Variants in PCDH11X observed in about 807,000 individuals in gnomAD.
PCDH11X encodes protocadherin-11 X-linked.
In PCDH11X, 18 loss-of-function variants were observed where a neutral mutation model predicts 53.3. That is an observed-to-expected ratio of 0.34 (90% CI 0.23 to 0.50). The LOEUF is 0.50. PCDH11X is among the 20% of genes least tolerant of loss of function. PCDH11X has a pLI of 0.98. For synonymous variants in PCDH11X, 279 were observed against 393.3 expected (o/e 0.71, Z 3.44); for missense variants, 570 against 1,032.4 (o/e 0.55, Z 6.14).
rs751340267 is a variant in PCDH11X, at chrX:91,902,869, AT to A, written c.3033+23605del. 1.8e-3 allele frequency among the ~76,000 whole-genome samples: 189 copies of A among 107,520 alleles called. 3 individuals carry two copies. The South Asian group carries it at 0.071, about 40-fold the overall frequency. The allele number at this position is 107,520 out of a possible 115,157, so 93.4% of individuals were successfully genotyped here. A position where few individuals can be genotyped will look rare whatever the true frequency, so the allele number is the denominator to read the frequency against. On this transcript the variant is annotated intron_variant, in intron 6 of 10. Transcript: ENST00000682573. ...CCCTTCATTCCAATTGTTCAACAACATTTTTTTTTCTGACTTTACATTTAAA... is the reference window on the plus strand; with the variant it reads ...CCCTTCATTCCAATTGTTCAACAACATTTTTTTTCTGACTTTACATTTAAA...
At position 92,238,116 on chromosome X, in the gene PCDH11X, A is replaced by G. The variant is rs146262878; in HGVS notation, c.3115-24998A>G. 7.3e-4 allele frequency among the ~76,000 whole-genome samples: 82 copies of G among 112,068 alleles called. 1 individual carries two copies. In the East Asian group the frequency reaches 0.019, roughly 25 times the overall value. ...GTTTAGCCACAATTTTATGTGTCTG[A>G]GAGTCACAAGATGCTTTCAAAATTT... On this transcript the variant is annotated intron_variant, in intron 7 of 10. Coordinates refer to ENST00000682573, the MANE Select transcript of PCDH11X (RefSeq NM_032968.5).
At chrX:92,390,624 A>G (rs1250051708) in intron 9 of PCDH11X, among the ~76,000 whole-genome samples, 1 of 99,839 alleles carries the variant, frequency 1.0e-5, no homozygotes, top group African/African-American at 3.6e-5. Context: ...GTGTCAGAGG[A>G]AATAAATGCT....
intron 6 of PCDH11X, among the ~76,000 whole-genome samples, chrX:91,978,498 A>G (rs2062076799): frequency 9.2e-6 from 1 of 109,043 alleles, no homozygotes; most frequent in Non-Finnish European, 1.9e-5. Flanking sequence ...CTCTGTGATA[A>G]GCATGGTTAG....
intron 10 of PCDH11X, among the ~76,000 whole-genome samples, chrX:92,496,852 A>G (rs2073869569): frequency 9.3e-6 from 1 of 107,600 alleles, no homozygotes; most frequent in East Asian, 2.9e-4. Flanking sequence ...TTTTCCACCC[A>G]TTCCCATATC....
intron 10 of PCDH11X, among the ~76,000 whole-genome samples, chrX:92,597,116 C>T (rs1445429426): frequency 9.0e-6 from 1 of 111,440 alleles, no homozygotes; most frequent in African/African-American, 3.3e-5. Context: ...CTAAGATTTG[C>T]AACGTGACAA....
rs2065165522 is a variant in PCDH11X at position 92,140,756 on chromosome X, C to A, written c.3034-60619C>A. Among the ~76,000 whole-genome samples the A allele has an allele frequency of 2.7e-5, 3 of 111,476 alleles. No homozygotes were observed. In the South Asian group the frequency reaches 1.1e-3, roughly 41 times the overall value. ...GTTTATAAAAACAACCAGCTCTCTGCTGTAAAGACTCGTTGCTCAAAAAAT... is the reference window on the plus strand; with the variant it reads ...GTTTATAAAAACAACCAGCTCTCTGATGTAAAGACTCGTTGCTCAAAAAAT... On this transcript the variant is annotated intron_variant, in intron 6 of 10. Transcript: ENST00000682573.
intron 6 of PCDH11X, among the ~76,000 whole-genome samples, chrX:92,079,399 C>A (rs1301914980): frequency 1.8e-5 from 2 of 110,985 alleles, no homozygotes; most frequent in African/African-American, 6.5e-5. Context: ...CTGCCCTGTT[C>A]CAGCTCTAAT....
At chrX:91,818,562 G>A (rs1218151440) in intron 4 of PCDH11X, among the ~76,000 whole-genome samples, 2 of 109,681 alleles carry the variant, frequency 1.8e-5, no homozygotes, top group African/African-American at 6.6e-5. Context: ...AAAATTAGCC[G>A]GGCATGGTGG....
rs753107274 is a variant in PCDH11X, at chrX:92,068,170, A to C, written c.3034-133205A>C. On this transcript the variant is annotated intron_variant, in intron 6 of 10. Coordinates refer to ENST00000682573, the MANE Select transcript of PCDH11X (RefSeq NM_032968.5). ...AGTTCATTTAATTGTTCTGATCTTT[A>C]TTAATTTCTTTTCTTCTATAATAAG... Among the ~76,000 whole-genome samples, 175 of 107,808 alleles carry C rather than the reference A, an allele frequency of 1.6e-3. 2 individuals carry two copies. The highest frequency in any genetic ancestry group is 5.8e-3 in the African/African-American group (167 of 28,947). 93.6% of individuals were successfully genotyped at this position (107,808 alleles called of 115,157 possible).
At chrX:92,215,488 C>T (rs1410727439) in intron 7 of PCDH11X, among the ~76,000 whole-genome samples, 5 of 69,942 alleles carry the variant, frequency 7.1e-5, no homozygotes, top group African/African-American at 2.0e-4. Context: ...AAGGTGGCAG[C>T]GAGGCTGGGG....
At chrX:91,946,773 T>C (rs1177872756) in intron 6 of PCDH11X, among the ~76,000 whole-genome samples, 2 of 97,166 alleles carry the variant, frequency 2.1e-5, no homozygotes, top group Admixed American at 1.2e-4. Flanking sequence ...TTCTTTTGTT[T>C]ATAATCACTG....
chrX:92,054,806 G>A (rs1215220666), intron 6 of PCDH11X, among the ~76,000 whole-genome samples: 1 of 69,100 alleles, frequency 1.4e-5, no homozygotes, highest in East Asian at 5.7e-4. Flanking sequence ...GGCAACAAGA[G>A]TGAAACTCTG....
At chrX:92,550,052 C>A (rs952600531) in intron 10 of PCDH11X, among the ~76,000 whole-genome samples, 30 of 110,680 alleles carry the variant, frequency 2.7e-4, no homozygotes, top group African/African-American at 9.5e-4. Flanking sequence ...ATCTTCCTAT[C>A]TAGTTGTAAT....
intron 6 of PCDH11X, among the ~76,000 whole-genome samples, chrX:92,112,743 AT>A (rs936507883): frequency 0.023 from 2,529 of 107,703 alleles, 223 homozygotes; most frequent in African/African-American, 0.085. Context: ...CCATTTTTCA[AT>A]TTTTTTTTAA....
At chrX:91,993,737 A>G (rs1453070354) in intron 6 of PCDH11X, among the ~76,000 whole-genome samples, 1 of 111,756 alleles carries the variant, frequency 8.9e-6, no homozygotes, top group African/African-American at 3.2e-5. Flanking sequence ...AGGAAGACTG[A>G]CAAAACTGCT....
intron 6 of PCDH11X, among the ~76,000 whole-genome samples, chrX:92,104,412 A>G (rs1441289323): frequency 3.6e-5 from 4 of 110,879 alleles, no homozygotes; most frequent in African/African-American, 1.3e-4. Flanking sequence ...CACTGGGCAC[A>G]GAGACTAGGA....
intron 8 of PCDH11X, among the ~76,000 whole-genome samples, chrX:92,336,827 T>A (rs1166086816): frequency 4.5e-5 from 5 of 111,528 alleles, no homozygotes; most frequent in Admixed American, 3.8e-4. Context: ...GGTTTTTTTT[T>A]AAGAAAATAG....
chrX:91,972,840 G>A (rs2061984176), intron 6 of PCDH11X, among the ~76,000 whole-genome samples: 1 of 111,316 alleles, frequency 9.0e-6, no homozygotes, highest in African/African-American at 3.3e-5. Context: ...GGTTACTGTA[G>A]CCTTGTAGTA....
At chrX:92,228,240 T>G (rs945505238) in intron 7 of PCDH11X, among the ~76,000 whole-genome samples, 1 of 111,839 alleles carries the variant, frequency 8.9e-6, no homozygotes, top group Non-Finnish European at 1.9e-5. Flanking sequence ...GTATACTGAT[T>G]AATTGAATGA....
Sources: gnomAD v4.1 joint callset for allele counts (sites outside exome capture counted in the v4.1 genomes callset) on GRCh38, gnomAD v4.1.1 for gene constraint, MANE v1.5 for transcripts, NCBI Gene and HGNC (gene_info 2026-07-23, HGNC 2026-07-21) for gene names.